RHOBTB3: variants seen among roughly 807,000 people sequenced by gnomAD.
The protein encoded by RHOBTB3 is Rho related BTB domain containing 3.
In RHOBTB3, 47 loss-of-function variants were observed where a neutral mutation model predicts 67.2. The ratio of observed to expected loss-of-function variants is 0.70; its 90% CI spans 0.55 to 0.89. The LOEUF (loss-of-function observed/expected upper bound fraction) is 0.89. Ranked by LOEUF, RHOBTB3 falls within the 40% of genes least tolerant of loss-of-function variation. RHOBTB3 has a pLI of 0.00. For synonymous variants in RHOBTB3, 273 were observed against 274.2 expected, an observed-to-expected ratio of 1.00 and a Z score of 0.04; for missense variants, 631 against 750.0, an observed-to-expected ratio of 0.84 and a Z score of 1.85.
chr5:95,732,063 G>T lies in RHOBTB3; in HGVS notation c.207G>T (p.Val69=). Residue 69 remains valine, a synonymous_variant, in exon 2 of 12, where the codon GTG becomes GTT. Transcript: ENST00000379982. The part of the protein sequence containing the change: ...QASAFGNVKL[V]VHDCPVWDIF... ...GTGCGTTTGGGAATGTCAAGCTGGT[G>T]GTCCACGACTGTCCCGTCTGGGTAA... 6.2e-7 allele frequency: 1 copy of T among 1,614,212 alleles called. No individual in the cohort carries two copies.
intron 9 of RHOBTB3, chr5:95,782,334 A>T (rs2112831913): frequency 6.6e-6 from 1 of 152,206 alleles, no homozygotes; most frequent in East Asian, 1.9e-4. Flanking sequence ...GGAAGTATTG[A>T]AAAAACCCCC....
chr5:95,787,190 C>T (rs1380787137), intron 10 of RHOBTB3, among the ~76,000 whole-genome samples: 1 of 152,182 alleles, frequency 6.6e-6, no homozygotes, highest in African/African-American at 2.4e-5. Context: ...AATGTCCTAA[C>T]CTCCTGGTGT....
chr5:95,759,198 A>AC (rs1235614457), intron 6 of RHOBTB3, among the ~76,000 whole-genome samples: 1 of 152,170 alleles, frequency 6.6e-6, no homozygotes, highest in East Asian at 1.9e-4. Context: ...CCTGACACTG[A>AC]CCCGTCCCAT....
chr5:95,731,919 G>A lies in RHOBTB3; in HGVS notation c.63G>A (p.Pro21=), dbSNP rs1354820341. The change falls in exon 2 of 12, where the codon CCG becomes CCA. Residue 21 remains proline, a synonymous_variant. Transcript: ENST00000379982. The part of the protein sequence containing the change: ...EGDTFHQDNR[P]SGLIRTYLGR... Reference sequence around the variant, plus strand: ...ACACATTCCACCAGGACAACCGGCCGTCGGGGCTTATCCGCACTTACCTGG... The same window carrying A: ...ACACATTCCACCAGGACAACCGGCCATCGGGGCTTATCCGCACTTACCTGG... 5.0e-6 allele frequency: 8 copies of A among 1,614,132 alleles called. No homozygotes were observed. In the East Asian group the frequency reaches 1.6e-4, roughly 31 times the overall value.
intron 4 of RHOBTB3, among the ~76,000 whole-genome samples, chr5:95,749,551 T>G (rs191633385): frequency 1.3e-5 from 2 of 152,360 alleles, no homozygotes; most frequent in Admixed American, 6.5e-5. Context: ...TTTTGTTGCA[T>G]TCATTTATAG....
intron 1 of RHOBTB3, among the ~76,000 whole-genome samples, chr5:95,724,654 C>T (rs564432666): frequency 5.6e-4 from 85 of 152,186 alleles, no homozygotes; most frequent in Middle Eastern, 3.4e-3. Flanking sequence ...TTAGTAGAGA[C>T]GGGGTTTCAA....
intron 3 of RHOBTB3, among the ~76,000 whole-genome samples, chr5:95,743,907 T>A (rs1755673836): frequency 6.6e-6 from 1 of 151,648 alleles, no homozygotes; most frequent in Non-Finnish European, 1.5e-5. Context: ...TGGAGTTTCA[T>A]CATAGTGGCC....
chr5:95,795,308 C>T lies in RHOBTB3; in HGVS notation c.*2134C>T, dbSNP rs139839676. 4 of 152,252 alleles carry T rather than the reference C, an allele frequency of 2.6e-5. No homozygotes were observed. Among genetic ancestry groups the T allele is most frequent in the African/African-American group, 9.6e-5 (4 of 41,552 alleles). The allele number at this position is 152,252 out of a possible 1,614,324, so 9.4% of individuals were successfully genotyped here. On this transcript the variant is annotated 3_prime_UTR_variant, in exon 12 of 12. Transcript: ENST00000379982. The stretch of plus-strand genomic sequence containing the variant: ...AGATTAGCATTGTAAAAAACAGATA[C>T]TGTGGTAGATTTCTAGAAATTCATT...
At chr5:95,762,768 G>T (rs1745430437) in intron 6 of RHOBTB3, among the ~76,000 whole-genome samples, 1 of 152,184 alleles carries the variant, frequency 6.6e-6, no homozygotes, top group Non-Finnish European at 1.5e-5. Flanking sequence ...CAGGGAGGTT[G>T]GATAGGAAGT....
At chr5:95,742,944 G>C (rs373825849) in intron 3 of RHOBTB3, among the ~76,000 whole-genome samples, 1 of 152,142 alleles carries the variant, frequency 6.6e-6, no homozygotes, top group Non-Finnish European at 1.5e-5. Flanking sequence ...GCTGGCGGGC[G>C]CCTGTAGTCC....
chr5:95,773,458 G>A lies in RHOBTB3; in HGVS notation c.1282+5292G>A, dbSNP rs541297718. Among the ~76,000 whole-genome samples the A allele has an allele frequency of 2.6e-5, 4 of 152,300 alleles. No homozygotes were observed. The South Asian group carries it at 8.3e-4, about 32-fold the overall frequency. On this transcript the variant is annotated intron_variant, in intron 8 of 11. Transcript: ENST00000379982. ...ACCAGCTCCTGAGAGTTGGGGAGGG[G>A]AGCTGTAGGCAGCAGCAGCAGTGTC...
chr5:95,782,038 T>C (rs1452623245), intron 9 of RHOBTB3: 3 of 152,214 alleles, frequency 2.0e-5, no homozygotes, highest in Non-Finnish European at 4.4e-5. Flanking sequence ...GCTGCTAATA[T>C]TAAGTTTTAC....
intron 5 of RHOBTB3, among the ~76,000 whole-genome samples, chr5:95,754,090 T>G (rs1417105692): frequency 6.6e-6 from 1 of 151,750 alleles, no homozygotes. Context: ...AGACTCTGTC[T>G]CAAAAAAAAA....
At chr5:95,764,289 G>T (rs1455538152) in intron 7 of RHOBTB3, among the ~76,000 whole-genome samples, 3 of 152,172 alleles carry the variant, frequency 2.0e-5, no homozygotes, top group Admixed American at 6.5e-5. Flanking sequence ...TAGAGAGGGT[G>T]CCTTCTCACT....
chr5:95,742,563 T>C (rs1479242531), intron 3 of RHOBTB3, among the ~76,000 whole-genome samples: 1 of 152,248 alleles, frequency 6.6e-6, no homozygotes, highest in Non-Finnish European at 1.5e-5. Context: ...CTGATTATTT[T>C]ATCTTTCTTT....
rs1327427619 is a variant in RHOBTB3 at position 95,795,831 on chromosome 5, A to G, written c.*2657A>G. 6.6e-6 allele frequency: 1 copy of G among 152,118 alleles called. No homozygotes were observed. Among genetic ancestry groups the G allele is most frequent in the African/African-American group, 2.4e-5 (1 of 41,432 alleles). 9.4% of individuals were successfully genotyped at this position (152,118 alleles called of 1,614,324 possible). A position where few individuals can be genotyped will look rare whatever the true frequency, so the allele number is the denominator to read the frequency against. Reference sequence around the variant, plus strand: ...TTGAGAGTTGTTTTTTAACTGAAAGATTATTTCTAGATGGGTAGTGCTTTG... The same window carrying G: ...TTGAGAGTTGTTTTTTAACTGAAAGGTTATTTCTAGATGGGTAGTGCTTTG... On this transcript the variant is annotated 3_prime_UTR_variant, in exon 12 of 12. Transcript: ENST00000379982.
chr5:95,782,001 A>G (rs1199700818), intron 9 of RHOBTB3: 2 of 152,274 alleles, frequency 1.3e-5, no homozygotes, highest in African/African-American at 4.8e-5. Flanking sequence ...TTTGATTTTC[A>G]GTCATCCTCT....
chr5:95,738,459 C>T (rs1755511116), intron 3 of RHOBTB3, among the ~76,000 whole-genome samples: 1 of 152,154 alleles, frequency 6.6e-6, no homozygotes, highest in African/African-American at 2.4e-5. Flanking sequence ...GGCAGTGAGA[C>T]TTTAGGAGGT....
chr5:95,743,111 G>A (rs1419153163), intron 3 of RHOBTB3, among the ~76,000 whole-genome samples: 1 of 151,968 alleles, frequency 6.6e-6, no homozygotes, highest in Middle Eastern at 3.2e-3. Flanking sequence ...AAAACTCTCA[G>A]GATAATTAAT....
Sources: allele counts gnomAD v4.1 joint callset (sites outside exome capture counted in the v4.1 genomes callset), GRCh38; gene constraint gnomAD v4.1.1; transcripts MANE v1.5; gene names NCBI Gene and HGNC (gene_info 2026-07-23, HGNC 2026-07-21).